The following KCNJ16 variants were observed in gnomAD, a reference collection of about 807,000 sequenced individuals.
The protein encoded by KCNJ16 is inward rectifier potassium channel 16.
Under a neutral mutation model 18.5 loss-of-function variants are expected in KCNJ16, and 15 were observed. The ratio of observed to expected loss-of-function variants is 0.81; its 90% CI spans 0.54 to 1.25. The LOEUF (loss-of-function observed/expected upper bound fraction) is 1.25. Among genes scored for constraint, KCNJ16 ranks in the 50% most tolerant of loss-of-function variants. The probability of loss-of-function intolerance (pLI) is 0.00; values close to 1 mark genes in which losing one functional copy is unlikely to be tolerated. For missense variants in KCNJ16, 523 were observed against 525.7 expected, an observed-to-expected ratio of 0.99 and a Z score of 0.05; for synonymous variants, 174 against 186.5, an observed-to-expected ratio of 0.93 and a Z score of 0.55.
At chr17:70,123,310 T>C (rs965731683) in intron 2 of KCNJ16, among the ~76,000 whole-genome samples, 16 of 152,314 alleles carry the variant, frequency 1.1e-4, no homozygotes, top group East Asian at 3.9e-4. Flanking sequence ...TATAAGAAGA[T>C]AGAATCTGAT....
intron 2 of KCNJ16, chr17:70,101,479 T>C (rs75610007): frequency 3.3e-5 from 5 of 152,246 alleles, no homozygotes; most frequent in African/African-American, 1.2e-4. Context: ...AGACTCAATT[T>C]AACCATCTGG....
At chr17:70,112,747 G>A (rs893062198) in intron 2 of KCNJ16, among the ~76,000 whole-genome samples, 1 of 152,064 alleles carries the variant, frequency 6.6e-6, no homozygotes, top group African/African-American at 2.4e-5. Context: ...GTGGTCTACA[G>A]TTAAAATTGT....
chr17:70,129,918 A>C, intron 2 of KCNJ16, among the ~76,000 whole-genome samples: 1 of 130,764 alleles, frequency 7.6e-6, no homozygotes, highest in South Asian at 2.1e-4. Context: ...TTATTTATTT[A>C]TTTATTTATT....
At chr17:70,087,536 T>C (rs1169222418) in intron 1 of KCNJ16, among the ~76,000 whole-genome samples, 1 of 152,010 alleles carries the variant, frequency 6.6e-6, no homozygotes, top group Admixed American at 6.6e-5. Flanking sequence ...ACCCGTTCTC[T>C]ACTAAAAATA....
intron 3 of KCNJ16, chr17:70,131,421 G>A (rs1196290555): frequency 2.0e-6 from 2 of 1,006,468 alleles, no homozygotes; most frequent in Admixed American, 1.1e-4. Context: ...TGTTTGTCCT[G>A]GGAAGTATAC....
intron 2 of KCNJ16, among the ~76,000 whole-genome samples, chr17:70,103,259 G>A (rs1301314102): frequency 2.9e-5 from 3 of 104,778 alleles, no homozygotes; most frequent in East Asian, 6.5e-4. Context: ...ATATATTTAT[G>A]TGTATATGTG....
intron 1 of KCNJ16, among the ~76,000 whole-genome samples, chr17:70,078,356 A>T (rs932788218): frequency 2.9e-4 from 1 of 3,502 alleles, no homozygotes; most frequent in Non-Finnish European, 6.8e-4. Flanking sequence ...ACTCCGCATA[A>T]AAAAAAGGTG....
At chr17:70,091,181 C>T (rs1018273194) in intron 1 of KCNJ16, among the ~76,000 whole-genome samples, 1 of 152,178 alleles carries the variant, frequency 6.6e-6, no homozygotes, top group African/African-American at 2.4e-5. Context: ...AGTAGGTCCT[C>T]CTCAGAACTC....
intron 1 of KCNJ16, among the ~76,000 whole-genome samples, chr17:70,087,599 C>T (rs1053036639): frequency 1.3e-5 from 2 of 151,898 alleles, no homozygotes; most frequent in African/African-American, 2.4e-5. Context: ...TCCAGCTATT[C>T]GGGAGGTTGA....
chr17:70,103,286 ATG>A (rs1555589099), intron 2 of KCNJ16, among the ~76,000 whole-genome samples: 2 of 103,814 alleles, frequency 1.9e-5, no homozygotes, highest in African/African-American at 3.9e-5. Flanking sequence ...ATATGCATAT[ATG>A]TGTGTGTGTA....
At chr17:70,121,063 A>C (rs527375107) in intron 2 of KCNJ16, among the ~76,000 whole-genome samples, 4 of 152,246 alleles carry the variant, frequency 2.6e-5, no homozygotes, top group Non-Finnish European at 5.9e-5. Flanking sequence ...TCTGTGACAA[A>C]GTTTGTCTGG....
chr17:70,116,083 A>T (rs2073390793), intron 2 of KCNJ16, among the ~76,000 whole-genome samples: 2 of 152,216 alleles, frequency 1.3e-5, no homozygotes, highest in Non-Finnish European at 2.9e-5. Context: ...GAATATAAGT[A>T]TGTGAATAGA....
chr17:70,078,524 C>CT (rs1555581959), intron 1 of KCNJ16, among the ~76,000 whole-genome samples: 1 of 152,122 alleles, frequency 6.6e-6, no homozygotes, highest in Non-Finnish European at 1.5e-5. Flanking sequence ...ATTCAGTTAT[C>CT]TTTTTTATTT....
At chr17:70,078,869 A>G (rs1257878083) in intron 1 of KCNJ16, among the ~76,000 whole-genome samples, 2 of 152,138 alleles carry the variant, frequency 1.3e-5, no homozygotes, top group Non-Finnish European at 2.9e-5. Flanking sequence ...GCAGGTTAAT[A>G]TTGTCCTGCG....
chr17:70,096,595 T>C (rs537979907), intron 1 of KCNJ16: 1 of 210,598 alleles, frequency 4.7e-6, no homozygotes, highest in East Asian at 1.0e-4. Flanking sequence ...AAATAATAAC[T>C]ATCATTATTA....
At chr17:70,092,301 CA>C (rs1385547546) in intron 1 of KCNJ16, among the ~76,000 whole-genome samples, 1 of 151,998 alleles carries the variant, frequency 6.6e-6, no homozygotes, top group Non-Finnish European at 1.5e-5. Context: ...CATGTGAAGT[CA>C]AAGAACAACA....
In KCNJ16 at chr17:70,088,135, T is replaced by C. The variant is rs146227944; in HGVS notation, c.-299-12523T>C. On this transcript the variant is annotated intron_variant, in intron 1 of 3. Transcript: ENST00000392671. ...TTTTCTTTTCAAATTGGATCAACGA[T>C]AGCTGTGATACAGAGCTTTTAGGGC... Among the ~76,000 whole-genome samples, 306 of 152,024 alleles carry C rather than the reference T, an allele frequency of 2.0e-3. 1 individual carries two copies. The highest frequency in any genetic ancestry group is 7.2e-3 in the African/African-American group (299 of 41,482).
chr17:70,095,471 T>A (rs1432544232), intron 1 of KCNJ16, among the ~76,000 whole-genome samples: 2 of 152,198 alleles, frequency 1.3e-5, no homozygotes, highest in African/African-American at 4.8e-5. Context: ...GGCTTCCACA[T>A]AGCCTACCTC....
intron 2 of KCNJ16, among the ~76,000 whole-genome samples, chr17:70,109,545 T>A (rs2073092840): frequency 6.6e-6 from 1 of 150,478 alleles, no homozygotes; most frequent in Non-Finnish European, 1.5e-5. Context: ...CAACACTGGG[T>A]TTTCCCCTCT....
Sources: gnomAD v4.1 joint callset for allele counts (sites outside exome capture counted in the v4.1 genomes callset) on GRCh38, gnomAD v4.1.1 for gene constraint, MANE v1.5 for transcripts, NCBI Gene and HGNC (gene_info 2026-07-23, HGNC 2026-07-21) for gene names.